LCOR: variants seen among roughly 807,000 people sequenced by gnomAD.
LCOR encodes the protein ligand dependent nuclear receptor corepressor, also known as ligand-dependent corepressor.
In LCOR, 14 loss-of-function variants were observed where a neutral mutation model predicts 64.4. The observed-to-expected ratio is 0.22, with a 90% CI of 0.14 to 0.34. The LOEUF is 0.34. LCOR is among the 10% of genes least tolerant of loss of function. The probability of loss-of-function intolerance (pLI) is 1.00; values close to 1 mark genes in which losing one functional copy is unlikely to be tolerated. For missense variants in LCOR, 1,686 were observed against 1,765.3 expected (o/e 0.96, Z 0.80); for synonymous variants, 643 against 642.5 (o/e 1.00, Z -0.01).
intron 2 of LCOR, among the ~76,000 whole-genome samples, chr10:96,841,992 T>A (rs1484167874): frequency 6.6e-6 from 1 of 152,126 alleles, no homozygotes; most frequent in Non-Finnish European, 1.5e-5. Context: ...ATCTGAATCA[T>A]TTTATCATTA....
chr10:96,850,253 A>C (rs2134377294), intron 2 of LCOR, among the ~76,000 whole-genome samples: 1 of 152,296 alleles, frequency 6.6e-6, no homozygotes, highest in East Asian at 1.9e-4. Flanking sequence ...GCTTGTCATG[A>C]AGCGGAAAGA....
chr10:96,866,076 A>G (rs1845968754), intron 2 of LCOR, among the ~76,000 whole-genome samples: 1 of 152,034 alleles, frequency 6.6e-6, no homozygotes. Flanking sequence ...CTTAAACCTA[A>G]TGTTTGTATG....
intron 7 of LCOR, among the ~76,000 whole-genome samples, chr10:96,980,417 C>T (rs765669660): frequency 5.9e-5 from 9 of 152,140 alleles, no homozygotes; most frequent in South Asian, 2.1e-4. Context: ...TTACTTTTAA[C>T]GTATGAAGAA....
At position 96,988,102 on chromosome 10, in the gene LCOR, T is replaced by G. The variant is rs1848164306; in HGVS notation, c.*2968T>G. 6.6e-6 allele frequency: 1 copy of G among 152,184 alleles called. No individual in the cohort carries two copies. Among genetic ancestry groups the G allele is most frequent in the Admixed American group, 6.5e-5 (1 of 15,274 alleles). The allele number at this position is 152,184 out of a possible 1,614,324, so 9.4% of individuals were successfully genotyped here. A position where few individuals can be genotyped will look rare whatever the true frequency, so the allele number is the denominator to read the frequency against. ...GCAATCACTGAAGCTCTGCCATAGC[T>G]CCCGTAGAGGAGGGCCCTCTTCAGG... On this transcript the variant is annotated 3_prime_UTR_variant, in exon 8 of 8. Coordinates refer to ENST00000421806, the MANE Select transcript of LCOR (RefSeq NM_001346516.2).
chr10:96,977,312 T>G (rs1331342093), intron 7 of LCOR, among the ~76,000 whole-genome samples: 1 of 152,224 alleles, frequency 6.6e-6, no homozygotes, highest in Non-Finnish European at 1.5e-5. Flanking sequence ...TCAGCCACTG[T>G]TTGGAAGCCA....
intron 7 of LCOR, among the ~76,000 whole-genome samples, chr10:96,972,044 G>A (rs1363391692): frequency 6.6e-6 from 1 of 151,988 alleles, no homozygotes; most frequent in Non-Finnish European, 1.5e-5. Context: ...GAGGGGTGGG[G>A]TGGGGAATAG....
chr10:96,922,953 G>T (rs1408530667), intron 4 of LCOR, among the ~76,000 whole-genome samples: 1 of 152,138 alleles, frequency 6.6e-6, no homozygotes, highest in East Asian at 1.9e-4. Context: ...TAACTTGATA[G>T]TCTGCTTAAC....
intron 2 of LCOR, among the ~76,000 whole-genome samples, chr10:96,887,163 A>G (rs1045662117): frequency 6.6e-6 from 1 of 152,186 alleles, no homozygotes; most frequent in Admixed American, 6.5e-5. Flanking sequence ...CTGGTCCACA[A>G]ATTAAGACAG....
chr10:96,981,340 G>A lies in LCOR; in HGVS notation c.880G>A (p.Gly294Arg). 1 of 1,612,658 alleles carries A rather than the reference G, an allele frequency of 6.2e-7. No individual in the cohort carries two copies. Among genetic ancestry groups the A allele is most frequent in the Non-Finnish European group, 8.5e-7 (1 of 1,179,304 alleles). Residue 294 changes from glycine to arginine, a missense_variant, in exon 8 of 8, where the codon GGA becomes AGA. Gly to Arg is a moderately radical substitution (Grantham distance 125, BLOSUM62 -2). Transcript: ENST00000421806. ...IPKILEGQTT[G>R]QEQDTNVNIC... The stretch of plus-strand genomic sequence containing the variant: ...TAAAATCTTGGAGGGGCAGACCACT[G>A]GACAAGAGCAAGACACAAATGTGAA...
At chr10:96,912,935 C>T (rs902658555) in intron 4 of LCOR, among the ~76,000 whole-genome samples, 23 of 152,090 alleles carry the variant, frequency 1.5e-4, no homozygotes, top group Non-Finnish European at 2.9e-4. Flanking sequence ...ATTCTTATTT[C>T]ATTCTGTGGA....
At chr10:96,939,465 G>A (rs1847409903) in intron 4 of LCOR, among the ~76,000 whole-genome samples, 1 of 152,144 alleles carries the variant, frequency 6.6e-6, no homozygotes, top group Non-Finnish European at 1.5e-5. Flanking sequence ...AAAAGCACAA[G>A]TGACCAAAAA....
At chr10:96,957,913 G>A (rs1436929014) in intron 7 of LCOR, 1 of 986,174 alleles carries the variant, frequency 1.0e-6, no homozygotes, top group Non-Finnish European at 1.2e-6. Context: ...AACAGTTTGG[G>A]TTCAATAGCA....
At chr10:96,836,993 CTTT>C (rs1217375296) in intron 2 of LCOR, among the ~76,000 whole-genome samples, 3 of 139,846 alleles carry the variant, frequency 2.1e-5, no homozygotes, top group Admixed American at 7.2e-5. Context: ...GACACAGATT[CTTT>C]TTTTTTTTTT....
chr10:96,988,896 G>C lies in LCOR; in HGVS notation c.*3762G>C, dbSNP rs1412939564. On this transcript the variant is annotated 3_prime_UTR_variant, in exon 8 of 8. Transcript: ENST00000421806. The stretch of plus-strand genomic sequence containing the variant: ...TTCTGTCTGCGGCTGCTTTCGCACT[G>C]CAAGAGCAGAGTTGAGTAGCTGCGG... 2 of 152,220 alleles carry C rather than the reference G, an allele frequency of 1.3e-5. No homozygotes were observed. The highest frequency in any genetic ancestry group is 2.9e-5 in the Non-Finnish European group (2 of 68,040). 9.4% of individuals were successfully genotyped at this position (152,220 alleles called of 1,614,324 possible).
intron 6 of LCOR, among the ~76,000 whole-genome samples, chr10:96,949,862 T>C (rs1847648579): frequency 6.6e-6 from 1 of 152,218 alleles, no homozygotes; most frequent in Admixed American, 6.5e-5. Flanking sequence ...AACACACACA[T>C]CCACTGACTA....
intron 2 of LCOR, among the ~76,000 whole-genome samples, chr10:96,852,802 A>G (rs1391337354): frequency 6.6e-6 from 1 of 152,072 alleles, no homozygotes; most frequent in Non-Finnish European, 1.5e-5. Context: ...TTTTTTAGTG[A>G]CTATTTTGCC....
intron 2 of LCOR, among the ~76,000 whole-genome samples, chr10:96,874,153 T>C (rs1435750229): frequency 6.6e-6 from 1 of 152,228 alleles, no homozygotes. Flanking sequence ...CTCTATTAGA[T>C]ATTTTGTAGC....
At chr10:96,955,865 T>G (rs1322263832) in intron 7 of LCOR, 4 of 1,614,028 alleles carry the variant, frequency 2.5e-6, no homozygotes, top group Non-Finnish European at 3.4e-6. Flanking sequence ...CTGTAAAGAT[T>G]GAATTAGATC....
intron 7 of LCOR, among the ~76,000 whole-genome samples, chr10:96,974,709 G>T (rs574625187): frequency 1.3e-5 from 2 of 151,900 alleles, no homozygotes; most frequent in Non-Finnish European, 2.9e-5. Flanking sequence ...CTAAGGTCTC[G>T]GAAAAATTGA....
Sources: allele counts gnomAD v4.1 joint callset (sites outside exome capture counted in the v4.1 genomes callset), GRCh38; gene constraint gnomAD v4.1.1; transcripts MANE v1.5; gene names NCBI Gene and HGNC (gene_info 2026-07-23, HGNC 2026-07-21).